WDR7: variants seen among roughly 807,000 people sequenced by gnomAD.
WDR7 encodes WD repeat-containing protein 7.
WDR7 carries 46 observed loss-of-function variants against 169.4 expected under a neutral mutation model. That is an observed-to-expected ratio of 0.27 (90% CI 0.21 to 0.35). The LOEUF (loss-of-function observed/expected upper bound fraction) is 0.35, where lower values mean the gene tolerates loss of function less well. WDR7 is among the 10% of genes least tolerant of loss of function. WDR7 has a pLI of 1.00. For synonymous variants in WDR7, 612 were observed against 666.8 expected (o/e 0.92, Z 1.27); for missense variants, 1,534 against 1,859.3 (o/e 0.83, Z 3.22).
At chr18:56,889,934 A>C (rs1446209845) in intron 21 of WDR7, among the ~76,000 whole-genome samples, 1 of 152,196 alleles carries the variant, frequency 6.6e-6, no homozygotes, top group African/African-American at 2.4e-5. Context: ...TCCCACAGTG[A>C]GTCTTTAGAA....
At chr18:56,815,849 C>T (rs561669614) in intron 19 of WDR7, among the ~76,000 whole-genome samples, 182 bp from the exon 20 acceptor site, 1 of 152,110 alleles carries the variant, frequency 6.6e-6, no homozygotes, top group Non-Finnish European at 1.5e-5. Flanking sequence ...TATATACATG[C>T]AAATAAATAG....
intron 20 of WDR7, among the ~76,000 whole-genome samples, chr18:56,866,615 G>T (rs1033567150): frequency 1.3e-5 from 2 of 151,962 alleles, no homozygotes; most frequent in East Asian, 3.9e-4. Flanking sequence ...TTTGCTAATA[G>T]GAGAAATTAT....
downstream of WDR7, chr18:57,032,902 A>C: frequency 6.7e-6 from 1 of 148,490 alleles, no homozygotes; most frequent in East Asian, 2.0e-4. Flanking sequence ...AATCATCCCG[A>C]AAACATCCCC....
intron 26 of WDR7, chr18:57,010,260 T>TTTAGGCATA: frequency 1.0e-6 from 1 of 985,454 alleles, no homozygotes; most frequent in Non-Finnish European, 1.2e-6. Flanking sequence ...TGTGTGACTT[T>TTTAGGCATA]TTAGGCATAT....
rs1182679569 is a variant in WDR7, at chr18:56,938,795, G to A, written c.3981+113G>A. ...CATCTCTAAAAGAGATGAAGGGTGA[G>A]AGAGAAAGAATGAGTGTGTGTGTGT... is the stretch of plus-strand genomic sequence containing the variant. On this transcript the variant is annotated intron_variant, in intron 24 of 27. Coordinates refer to ENST00000254442, the MANE Select transcript of WDR7 (RefSeq NM_015285.3). 31 of 1,270,798 alleles carry A rather than the reference G, an allele frequency of 2.4e-5. No homozygotes were observed. In the Admixed American group the frequency reaches 7.4e-4, roughly 30 times the overall value. The allele number at this position is 1,270,798 out of a possible 1,614,324, so 78.7% of individuals were successfully genotyped here. A position where few individuals can be genotyped will look rare whatever the true frequency, so the allele number is the denominator to read the frequency against.
At chr18:56,922,303 T>C (rs190042717) in intron 21 of WDR7, among the ~76,000 whole-genome samples, 111 of 152,214 alleles carry the variant, frequency 7.3e-4, no homozygotes, top group African/African-American at 2.5e-3. Context: ...TGCAAAGTTA[T>C]GTGAAACACA....
intron 26 of WDR7, chr18:57,010,054 G>A (rs2048116363): frequency 1.0e-6 from 1 of 985,430 alleles, no homozygotes; most frequent in Non-Finnish European, 1.2e-6. Context: ...CCATGTAAAA[G>A]CCTGAAATGT....
chr18:56,890,905 A>G (rs1018297827), intron 21 of WDR7: 1 of 152,180 alleles, frequency 6.6e-6, no homozygotes, highest in Non-Finnish European at 1.5e-5. Flanking sequence ...GTGACTCTTC[A>G]CTTAAGCTAT....
At chr18:56,850,940 C>T (rs917710183) in intron 20 of WDR7, among the ~76,000 whole-genome samples, 3 of 152,158 alleles carry the variant, frequency 2.0e-5, no homozygotes, top group African/African-American at 7.2e-5. Flanking sequence ...TGCTTCCTCA[C>T]TGCTCCCAAA....
chr18:56,687,505 T>C (rs1336773020), intron 7 of WDR7, among the ~76,000 whole-genome samples: 2 of 152,250 alleles, frequency 1.3e-5, no homozygotes, highest in African/African-American at 4.8e-5. Context: ...GTATTATTTC[T>C]TTTAATCCTT....
rs2046990689 is a variant in WDR7 at position 56,938,563 on chromosome 18, A to G, written c.3862A>G (p.Thr1288Ala). ...CAGACATACGGCTCTTGCAGCAAAT[A>G]CCCAATCACAGCAGAATATGCACAC... ...VHRHTALAANTQSQQNMHTTT... is the reference protein window; with the variant it reads ...VHRHTALAANAQSQQNMHTTT... The change falls in exon 24 of 28, where the codon ACC becomes GCC. Residue 1288 changes from threonine (T) to alanine (A), a missense_variant. Physicochemically the swap from Thr to Ala is moderately conservative, Grantham distance 58. Coordinates refer to ENST00000254442, the MANE Select transcript of WDR7 (RefSeq NM_015285.3). The G allele has an allele frequency of 5.6e-6, 9 of 1,613,826 alleles. No homozygotes were observed. Among genetic ancestry groups the G allele is most frequent in the Non-Finnish European group, 7.6e-6 (9 of 1,179,908 alleles).
At chr18:56,670,047 T>C (rs991230379) in intron 1 of WDR7, among the ~76,000 whole-genome samples, 1 of 152,156 alleles carries the variant, frequency 6.6e-6, no homozygotes, top group Non-Finnish European at 1.5e-5. Flanking sequence ...TTTAAAGAAA[T>C]TCAAACTTAG....
intron 12 of WDR7, among the ~76,000 whole-genome samples, chr18:56,713,454 T>G (rs991426379): frequency 6.6e-6 from 1 of 152,206 alleles, no homozygotes; most frequent in African/African-American, 2.4e-5. Flanking sequence ...AATTTATAAA[T>G]ATACAACTAT....
At chr18:56,923,828 C>T in intron 21 of WDR7, 94 bp from the exon 22 acceptor site, 2 of 1,266,640 alleles carry the variant, frequency 1.6e-6, no homozygotes, top group Non-Finnish European at 2.1e-6. Context: ...GTTAAAAAAT[C>T]AAAAATGGAT....
rs74735267 is a variant in WDR7, at chr18:56,729,478, A to G, written c.1775-1905A>G. Reference sequence around the variant, plus strand: ...TGTAATATCCCTTCCCCCACTTTATACTATGAATACTCTTCTCTAACTTGT... The same window carrying G: ...TGTAATATCCCTTCCCCCACTTTATGCTATGAATACTCTTCTCTAACTTGT... On this transcript the variant is annotated intron_variant, in intron 13 of 27. Transcript: ENST00000254442. 7.0e-4 allele frequency among the ~76,000 whole-genome samples: 106 copies of G among 152,162 alleles called. 1 individual carries two copies. The East Asian group carries it at 0.018, about 26-fold the overall frequency.
chr18:57,019,868 A>G (rs2048262726), intron 26 of WDR7, among the ~76,000 whole-genome samples: 1 of 152,196 alleles, frequency 6.6e-6, no homozygotes, highest in South Asian at 2.1e-4. Context: ...GGAGGAGACC[A>G]ACCTACAGCT....
At chr18:56,823,421 A>C (rs748273255) in intron 20 of WDR7, among the ~76,000 whole-genome samples, 1 of 152,102 alleles carries the variant, frequency 6.6e-6, no homozygotes, top group Non-Finnish European at 1.5e-5. Flanking sequence ...CTCTACTAAA[A>C]AATACAAAAA....
intron 20 of WDR7, among the ~76,000 whole-genome samples, chr18:56,878,067 A>G (rs931644013): frequency 7.9e-5 from 12 of 152,332 alleles, no homozygotes; most frequent in African/African-American, 2.4e-4. Context: ...GAGTAGAACT[A>G]AAAAAGGGTA....
intron 2 of WDR7, among the ~76,000 whole-genome samples, chr18:56,675,439 T>C (rs1352181859): frequency 6.6e-6 from 1 of 152,174 alleles, no homozygotes; most frequent in African/African-American, 2.4e-5. Flanking sequence ...TTTTGTTAAA[T>C]TTATTTCAAA....
Sources: gnomAD v4.1 joint callset for allele counts (sites outside exome capture counted in the v4.1 genomes callset) on GRCh38, gnomAD v4.1.1 for gene constraint, MANE v1.5 for transcripts, NCBI Gene and HGNC (gene_info 2026-07-23, HGNC 2026-07-21) for gene names.